Variants in MRTFB observed in about 807,000 individuals in gnomAD.
MRTFB encodes the protein myocardin related transcription factor B.
In MRTFB, 29 loss-of-function variants were observed where a neutral mutation model predicts 104.2. The ratio of observed to expected loss-of-function variants is 0.28; its 90% CI spans 0.21 to 0.38. The LOEUF is 0.38. Among genes scored for constraint, MRTFB ranks in the 10% least tolerant of loss-of-function variants. The pLI is 1.00. For synonymous variants in MRTFB, 535 were observed against 519.5 expected, an observed-to-expected ratio of 1.03 and a Z score of -0.41; for missense variants, 1,270 against 1,341.6, an observed-to-expected ratio of 0.95 and a Z score of 0.83.
chr16:14,249,226 C>G, intron 13 of MRTFB, 145 bp downstream of exon 13: 1 of 935,016 alleles, frequency 1.1e-6, no homozygotes, highest in Non-Finnish European at 1.5e-6. Context: ...AGCCTTAGGT[C>G]AGATGCCATT....
chr16:14,036,233 TATATA>T, the MRTFB span, among the ~76,000 whole-genome samples: 12,059 of 131,426 alleles, frequency 0.092, 795 homozygotes, highest in African/African-American at 0.17. Flanking sequence ...TAATATAGTT[TATATA>T]ATATATGTTA....
chr16:14,061,872 G>A, the MRTFB span, among the ~76,000 whole-genome samples: 1 of 152,130 alleles, frequency 6.6e-6, no homozygotes, highest in Non-Finnish European at 1.5e-5. Context: ...GGTGGTTCCT[G>A]ACATAGCCAG....
chr16:14,149,033 TGCCATATTTA>T (rs1176528780), intron 3 of MRTFB, among the ~76,000 whole-genome samples: 1 of 152,228 alleles, frequency 6.6e-6, no homozygotes, highest in East Asian at 1.9e-4. Context: ...CAGACTTTCC[TGCCATATTTA>T]AAGAAGAGAG....
intron 2 of MRTFB, among the ~76,000 whole-genome samples, chr16:14,094,974 T>C (rs2035281351): frequency 6.6e-6 from 1 of 152,220 alleles, no homozygotes; most frequent in Admixed American, 6.5e-5. Flanking sequence ...TTATTTTAAA[T>C]ATATAAAGCC....
chr16:14,213,833 T>C (rs2041300801), intron 6 of MRTFB, among the ~76,000 whole-genome samples: 1 of 152,126 alleles, frequency 6.6e-6, no homozygotes, highest in African/African-American at 2.4e-5. Flanking sequence ...GACTAACACT[T>C]CCACACCAGC....
chr16:14,231,814 G>T (rs567732160), intron 8 of MRTFB, among the ~76,000 whole-genome samples: 2 of 152,274 alleles, frequency 1.3e-5, no homozygotes, highest in African/African-American at 4.8e-5. Context: ...TTTGGTACGG[G>T]AACGGAGGGG....
At chr16:14,027,307 T>G in the MRTFB span, among the ~76,000 whole-genome samples, 1 of 152,212 alleles carries the variant, frequency 6.6e-6, no homozygotes, top group Non-Finnish European at 1.5e-5. Flanking sequence ...ATGATTCCAT[T>G]TATATAATGT....
chr16:14,200,220 G>A lies in MRTFB; in HGVS notation c.155-10023G>A, dbSNP rs915306822. On this transcript the variant is annotated intron_variant, in intron 3 of 16. Transcript: ENST00000571589. ...ATTATTTGTAATAGCAAAAAACCTG[G>A]TAGCTTAAGTATATGAATAATACAT... 1.1e-5 allele frequency: 14 copies of A among 1,226,356 alleles called. No homozygotes were observed. The East Asian group carries it at 3.6e-4, about 31-fold the overall frequency. The allele number at this position is 1,226,356 out of a possible 1,614,324, so 76.0% of individuals were successfully genotyped here. A position where few individuals can be genotyped will look rare whatever the true frequency, so the allele number is the denominator to read the frequency against.
At chr16:14,148,522 A>C (rs2038440235) in intron 3 of MRTFB, 1 of 152,626 alleles carries the variant, frequency 6.6e-6, no homozygotes, top group Non-Finnish European at 1.5e-5. Context: ...TGATATGTTA[A>C]AGTAACGTGT....
chr16:14,175,564 A>G (rs1297201406), intron 3 of MRTFB, among the ~76,000 whole-genome samples: 1 of 152,210 alleles, frequency 6.6e-6, no homozygotes, highest in African/African-American at 2.4e-5. Context: ...TATTGAAGAA[A>G]CCACTGTTCC....
chr16:14,237,466 A>T lies in MRTFB; in HGVS notation c.832-2771A>T, dbSNP rs142635535. ...ACGTTGAAGCACAGTGACCTTGACA[A>T]GAACAGTTTCTGAAAGCTTAGTTGG... On this transcript the variant is annotated intron_variant, in intron 9 of 16. Coordinates refer to ENST00000571589, the MANE Select transcript of MRTFB (RefSeq NM_001308142.2). 2.5e-4 allele frequency among the ~76,000 whole-genome samples: 38 copies of T among 152,370 alleles called. 1 individual carries two copies. The highest frequency in any genetic ancestry group is 4.3e-4 in the Non-Finnish European group (29 of 68,026).
chr16:14,215,637 G>A (rs982075877), intron 6 of MRTFB, among the ~76,000 whole-genome samples: 3 of 152,346 alleles, frequency 2.0e-5, no homozygotes, highest in Admixed American at 6.5e-5. Flanking sequence ...ATCAACCTGA[G>A]AGTAATTCTT....
chr16:14,024,609 G>T, the MRTFB span, among the ~76,000 whole-genome samples: 168 of 152,272 alleles, frequency 1.1e-3, no homozygotes, highest in African/African-American at 3.9e-3. Flanking sequence ...TCACGAAGAA[G>T]GATGGCCATT....
At chr16:14,194,967 T>G (rs2040368270) in intron 3 of MRTFB, among the ~76,000 whole-genome samples, 1 of 152,148 alleles carries the variant, frequency 6.6e-6, no homozygotes, top group African/African-American at 2.4e-5. Flanking sequence ...TGGGGCAAAG[T>G]AAAACCAATT....
At chr16:14,196,578 A>C (rs1335556943) in intron 3 of MRTFB, among the ~76,000 whole-genome samples, 1 of 152,198 alleles carries the variant, frequency 6.6e-6, no homozygotes, top group Non-Finnish European at 1.5e-5. Context: ...TCAAACACTA[A>C]TTTGAATAGT....
chr16:14,239,426 T>C (rs1172634977), intron 9 of MRTFB, among the ~76,000 whole-genome samples: 1 of 152,262 alleles, frequency 6.6e-6, no homozygotes, highest in African/African-American at 2.4e-5. Flanking sequence ...ATCATATCAA[T>C]AGCTCCATTT....
chr16:14,029,662 G>A, the MRTFB span, among the ~76,000 whole-genome samples: 1 of 151,904 alleles, frequency 6.6e-6, no homozygotes, highest in African/African-American at 2.4e-5. Context: ...CACTGTGTAC[G>A]CACATGCAGG....
chr16:14,005,747 CT>C, the MRTFB span, among the ~76,000 whole-genome samples: 9 of 152,210 alleles, frequency 5.9e-5, no homozygotes, highest in East Asian at 9.6e-4. Flanking sequence ...AAGGGACCAG[CT>C]TTTCCAGTCC....
chr16:14,259,646 G>A (rs1442139374), intron 16 of MRTFB, among the ~76,000 whole-genome samples: 2 of 152,148 alleles, frequency 1.3e-5, no homozygotes, highest in Non-Finnish European at 2.9e-5. Flanking sequence ...CCACCCAGGA[G>A]GCTGAGAGGC....
Sources: allele counts gnomAD v4.1 joint callset (sites outside exome capture counted in the v4.1 genomes callset), GRCh38; gene constraint gnomAD v4.1.1; transcripts MANE v1.5; gene names NCBI Gene and HGNC (gene_info 2026-07-23, HGNC 2026-07-21).